Variants in CMTM4 observed in about 807,000 individuals in gnomAD.
CMTM4 encodes the protein CKLF like MARVEL transmembrane domain containing 4.
A neutral mutation model predicts 19.0 loss-of-function variants in CMTM4; 8 were observed. That is an observed-to-expected ratio of 0.42 (90% CI 0.25 to 0.76). CMTM4 has a LOEUF of 0.76. Among genes scored for constraint, CMTM4 ranks in the 30% least tolerant of loss-of-function variants. The probability of loss-of-function intolerance (pLI) is 0.27; values close to 1 mark genes in which losing one functional copy is unlikely to be tolerated. For missense variants in CMTM4, 228 were observed against 290.2 expected, an observed-to-expected ratio of 0.79 and a Z score of 1.56; for synonymous variants, 106 against 121.1, an observed-to-expected ratio of 0.88 and a Z score of 0.82.
At chr16:66,636,797 A>C (rs919739955) in intron 1 of CMTM4, among the ~76,000 whole-genome samples, 2 of 152,192 alleles carry the variant, frequency 1.3e-5, no homozygotes, top group African/African-American at 2.4e-5. Flanking sequence ...TTACTAATGT[A>C]AACAGTGAAG....
rs1228847571 is a variant in CMTM4, at chr16:66,622,813, T to TA, written c.462+590dup. Among the ~76,000 whole-genome samples the TA allele has an allele frequency of 6.6e-6, 1 of 152,184 alleles. No individual in the cohort carries two copies. Among genetic ancestry groups the TA allele is most frequent in the Non-Finnish European group, 1.5e-5 (1 of 68,032 alleles). ...GCACAGAGTTTTAATTATTAAGACT[T>TA]ACAAATCGCCTGAGTGGCACCTGGG... On this transcript the variant is annotated intron_variant, in intron 3 of 3. Transcript: ENST00000394106. This position sits in a 1 kb window ranked among gnomAD's most constrained non-coding sequence, Gnocchi z 4.0.
chr16:66,694,946 A>G (rs2017204360), intron 1 of CMTM4, among the ~76,000 whole-genome samples: 1 of 152,198 alleles, frequency 6.6e-6, no homozygotes, highest in South Asian at 2.1e-4. Context: ...CCCAAGAGAG[A>G]CATAAAATAG....
At chr16:66,604,976 C>T in the CMTM4 span, 2 of 1,471,582 alleles carry the variant, frequency 1.4e-6, no homozygotes, top group Non-Finnish European at 1.8e-6. Flanking sequence ...GACCCTCGGC[C>T]GCCCCGCTAG....
chr16:66,629,068 G>A (rs2144794526), intron 2 of CMTM4, among the ~76,000 whole-genome samples: 1 of 152,112 alleles, frequency 6.6e-6, no homozygotes, highest in East Asian at 1.9e-4. Context: ...AACTTGAAAG[G>A]CTTAATACTG....
At chr16:66,599,270 A>G in the CMTM4 span, among the ~76,000 whole-genome samples, 5 of 152,178 alleles carry the variant, frequency 3.3e-5, no homozygotes, top group Admixed American at 6.5e-5. Flanking sequence ...AGCCTCAGCA[A>G]CAGAATGAGA....
chr16:66,653,087 C>G (rs2016340622), intron 1 of CMTM4, among the ~76,000 whole-genome samples: 1 of 152,056 alleles, frequency 6.6e-6, no homozygotes, highest in Admixed American at 6.6e-5. Flanking sequence ...AGCTGAAATC[C>G]CAGAAAGCAG....
chr16:66,628,407 A>G (rs1182169166), intron 2 of CMTM4, among the ~76,000 whole-genome samples: 1 of 152,196 alleles, frequency 6.6e-6, no homozygotes, highest in Non-Finnish European at 1.5e-5. Flanking sequence ...CCGGCTTTCC[A>G]AGGCAGAGGT....
intron 2 of CMTM4, among the ~76,000 whole-genome samples, chr16:66,628,650 C>G (rs1052620966): frequency 6.6e-6 from 1 of 152,200 alleles, no homozygotes; most frequent in African/African-American, 2.4e-5. Context: ...AGCAATTGTT[C>G]AAGGTACAGG....
At chr16:66,612,513 C>A, downstream of CMTM4, 3 of 1,320,030 alleles carry the variant, frequency 2.3e-6, no homozygotes, top group Non-Finnish European at 2.1e-6. The surrounding 1 kb of genome is among the most constrained non-coding windows in gnomAD (Gnocchi z 6.0). Context: ...TGCACCCAGG[C>A]TCCTGCCAGC....
At chr16:66,613,012 T>A (rs1299325775), downstream of CMTM4, 1 of 701,956 alleles carries the variant, frequency 1.4e-6, no homozygotes, top group East Asian at 2.7e-5. Flanking sequence ...GGGTCTTCTG[T>A]TTCACTAACA....
chr16:66,670,816 A>G (rs2016691555), intron 1 of CMTM4, among the ~76,000 whole-genome samples: 1 of 152,056 alleles, frequency 6.6e-6, no homozygotes, highest in African/African-American at 2.4e-5. Flanking sequence ...AAAAAGTAAT[A>G]ATGTAAATCT....
chr16:66,600,044 C>A, the CMTM4 span, among the ~76,000 whole-genome samples: 4 of 150,532 alleles, frequency 2.7e-5, no homozygotes, highest in Admixed American at 6.6e-5. Flanking sequence ...CTGTTCAAAT[C>A]TTTGGCCCAT....
the CMTM4 span, chr16:66,603,854 AGTGGGAGGACCTT>A: frequency 6.6e-6 from 1 of 152,206 alleles, no homozygotes; most frequent in African/African-American, 2.4e-5. Flanking sequence ...AGGAGGTGAA[AGTGGGAGGACCTT>A]GGTTACAGAC....
At chr16:66,636,367 G>A (rs370093331) in intron 2 of CMTM4, 38 bp downstream of exon 2, 20 of 1,573,530 alleles carry the variant, frequency 1.3e-5, no homozygotes, top group African/African-American at 6.8e-5. Context: ...CAACAGGCAC[G>A]TGATCCTTTC....
chr16:66,696,253 T>A lies in CMTM4; in HGVS notation c.186+87A>T. 1.0e-6 allele frequency: 1 copy of A among 987,802 alleles called. No homozygotes were observed. The highest frequency in any genetic ancestry group is 1.3e-6 in the Non-Finnish European group (1 of 761,766). The allele number at this position is 987,802 out of a possible 1,614,324, so 61.2% of individuals were successfully genotyped here. A position where few individuals can be genotyped will look rare whatever the true frequency, so the allele number is the denominator to read the frequency against. On this transcript the variant is annotated intron_variant, in intron 1 of 3. Coordinates refer to ENST00000394106, the MANE Select transcript of CMTM4 (RefSeq NM_181521.3). The surrounding 1 kb of genome is among the most constrained non-coding windows in gnomAD (Gnocchi z 4.3). The stretch of plus-strand genomic sequence containing the variant: ...GCGGGCTCCGGCCTGGGCAAGCGGG[T>A]ACGCGGCGGAGGCCCCGCAGCGGGG...
chr16:66,615,536 C>T lies in CMTM4; in HGVS notation c.*6522G>A, dbSNP rs965349319. On this transcript the variant is annotated 3_prime_UTR_variant, in exon 4 of 4. Transcript: ENST00000394106. This position sits in a 1 kb window ranked among gnomAD's most constrained non-coding sequence, Gnocchi z 4.9. ...TTCAGGCCTGAAGCCTGGAAAAGGC[C>T]GCCGAGCCTAGCCAGAGCATCCACA... 2.0e-5 allele frequency: 3 copies of T among 152,236 alleles called. No homozygotes were observed. Among genetic ancestry groups the T allele is most frequent in the East Asian group, 1.9e-4 (1 of 5,194 alleles). 9.4% of individuals were successfully genotyped at this position (152,236 alleles called of 1,614,324 possible). A position where few individuals can be genotyped will look rare whatever the true frequency, so the allele number is the denominator to read the frequency against.
At chr16:66,654,513 C>T (rs890419014) in intron 1 of CMTM4, among the ~76,000 whole-genome samples, 4 of 152,210 alleles carry the variant, frequency 2.6e-5, no homozygotes, top group African/African-American at 9.7e-5. Flanking sequence ...GCCCCAGACC[C>T]AGGCCATAAC....
the CMTM4 span, chr16:66,604,546 G>T: frequency 3.3e-6 from 1 of 301,194 alleles, no homozygotes; most frequent in Non-Finnish European, 6.1e-6. Context: ...GAACCAGGGT[G>T]AAGAAGAAGG....
At chr16:66,630,466 G>A (rs1229774871) in intron 2 of CMTM4, among the ~76,000 whole-genome samples, 24 of 151,742 alleles carry the variant, frequency 1.6e-4, no homozygotes, top group Non-Finnish European at 2.1e-4. Context: ...AGCCTGCCGA[G>A]TGCCTGGGAT....
Sources: allele counts gnomAD v4.1 joint callset (sites outside exome capture counted in the v4.1 genomes callset), GRCh38; gene constraint gnomAD v4.1.1; non-coding constraint Gnocchi (gnomAD v3.1); transcripts MANE v1.5; gene names NCBI Gene and HGNC (gene_info 2026-07-23, HGNC 2026-07-21).